The following DACH2 variants were observed in gnomAD, a reference collection of about 807,000 sequenced individuals.
DACH2 encodes the protein dachshund homolog 2.
In DACH2, 17 loss-of-function variants were observed where a neutral mutation model predicts 35.8. That is an observed-to-expected ratio of 0.48 (90% CI 0.33 to 0.71). The LOEUF (loss-of-function observed/expected upper bound fraction) is 0.71, where lower values mean the gene tolerates loss of function less well. Ranked by LOEUF, DACH2 falls within the 30% of genes least tolerant of loss-of-function variation. DACH2 has a pLI of 0.02. For synonymous variants in DACH2, 195 were observed against 177.3 expected, an observed-to-expected ratio of 1.10 and a Z score of -0.79; for missense variants, 469 against 472.7, an observed-to-expected ratio of 0.99 and a Z score of 0.07.
rs1569292909 is a variant in DACH2 at position 86,180,175 on chromosome X, C to CATATATATATATATATATATATAT, written c.488+31067_488+31068insATATATATATATATATATATATAT. On this transcript the variant is annotated intron_variant, in intron 1 of 11. Transcript: ENST00000373125. ...ATGTCCCCTAGCAACCATGCTAAAC[C>CATATATATATATATATATATATAT]GTATATATATATATATATATATATA... Among the ~76,000 whole-genome samples, 22 of 15,588 alleles carry CATATATATATATATATATATATAT rather than the reference C, an allele frequency of 1.4e-3. 1 individual carries two copies. Among genetic ancestry groups the CATATATATATATATATATATATAT allele is most frequent in the African/African-American group, 4.1e-3 (17 of 4,167 alleles). 13.5% of individuals were successfully genotyped at this position (15,588 alleles called of 115,157 possible).
At chrX:86,493,888 C>G (rs2038129363) in intron 2 of DACH2, among the ~76,000 whole-genome samples, 1 of 111,879 alleles carries the variant, frequency 8.9e-6, no homozygotes. Flanking sequence ...TGCTAGAGAC[C>G]TTTTCACTTG....
At chrX:86,190,583 T>C (rs1311614453) in intron 1 of DACH2, among the ~76,000 whole-genome samples, 2 of 112,414 alleles carry the variant, frequency 1.8e-5, no homozygotes. Flanking sequence ...TCAATGTTAC[T>C]TATCATTAGA....
intron 1 of DACH2, among the ~76,000 whole-genome samples, chrX:86,258,349 A>G (rs1004033121): frequency 9.3e-6 from 1 of 107,604 alleles, no homozygotes; most frequent in Non-Finnish European, 1.9e-5. Context: ...ACTCTGGGAC[A>G]CAGTTTTCAT....
At chrX:86,484,894 G>T (rs1223470597) in intron 2 of DACH2, among the ~76,000 whole-genome samples, 1 of 111,810 alleles carries the variant, frequency 8.9e-6, no homozygotes, top group African/African-American at 3.2e-5. Context: ...AACTGCAGAT[G>T]AAATTTCTTA....
intron 1 of DACH2, among the ~76,000 whole-genome samples, chrX:86,279,558 AGGT>A (rs2033984864): frequency 9.0e-6 from 1 of 111,371 alleles, no homozygotes; most frequent in South Asian, 3.8e-4. Flanking sequence ...CACAAAGATG[AGGT>A]ACAAGCAGCA....
intron 6 of DACH2, among the ~76,000 whole-genome samples, chrX:86,715,220 A>C (rs2041322513): frequency 8.9e-6 from 1 of 111,806 alleles, no homozygotes; most frequent in Non-Finnish European, 1.9e-5. Context: ...GGTCATAGTT[A>C]ATAATCTATG....
At chrX:86,638,068 A>G (rs2040299089) in intron 3 of DACH2, among the ~76,000 whole-genome samples, 1 of 111,477 alleles carries the variant, frequency 9.0e-6, no homozygotes, top group African/African-American at 3.3e-5. Flanking sequence ...ACAGACACAG[A>G]GATCAGTGGA....
intron 1 of DACH2, among the ~76,000 whole-genome samples, chrX:86,248,714 C>CA (rs974703282): frequency 1.0e-4 from 11 of 110,499 alleles, no homozygotes; most frequent in African/African-American, 3.3e-4. Context: ...CATATGAAAC[C>CA]AAAAAAGAGC....
chrX:86,677,152 G>A (rs544471288), intron 4 of DACH2, among the ~76,000 whole-genome samples: 3 of 111,694 alleles, frequency 2.7e-5, no homozygotes, highest in Non-Finnish European at 3.8e-5. Flanking sequence ...TAAGTTAGTC[G>A]CTGCCTAAAC....
chrX:86,793,568 T>G (rs906982156), intron 7 of DACH2, among the ~76,000 whole-genome samples: 4 of 111,723 alleles, frequency 3.6e-5, no homozygotes, highest in Non-Finnish European at 5.7e-5. Context: ...GAAGGCAAAG[T>G]GTAATAGCAA....
At chrX:86,681,091 C>A (rs150217450) in intron 4 of DACH2, among the ~76,000 whole-genome samples, 1 of 111,415 alleles carries the variant, frequency 9.0e-6, no homozygotes, top group Non-Finnish European at 1.9e-5. Context: ...TGACTCCTTT[C>A]TATCTTGCTT....
At chrX:86,216,951 C>T (rs2032586066) in intron 1 of DACH2, among the ~76,000 whole-genome samples, 2 of 110,063 alleles carry the variant, frequency 1.8e-5, no homozygotes, top group Admixed American at 1.9e-4. Context: ...ATCAGATAGG[C>T]GTGGTGACAC....
intron 3 of DACH2, among the ~76,000 whole-genome samples, chrX:86,615,621 C>A (rs772188206): frequency 9.0e-6 from 1 of 110,755 alleles, no homozygotes; most frequent in Non-Finnish European, 1.9e-5. Flanking sequence ...AAGTGAGAAC[C>A]CTGAAGATTT....
intron 11 of DACH2, among the ~76,000 whole-genome samples, chrX:86,824,255 T>C (rs147106169): frequency 0.033 from 3,656 of 111,095 alleles, 143 homozygotes; most frequent in African/African-American, 0.11. Context: ...ATTATTAATA[T>C]TCCTTGCTAG....
chrX:86,429,768 G>T (rs1274449645), intron 2 of DACH2, among the ~76,000 whole-genome samples: 1 of 110,870 alleles, frequency 9.0e-6, no homozygotes, highest in Non-Finnish European at 1.9e-5. Context: ...TTGCCATGTT[G>T]GCCAGGCTGT....
rs559491019 is a variant in DACH2, at chrX:86,302,239, G to T, written c.489-74585G>T. On this transcript the variant is annotated intron_variant, in intron 1 of 11. Coordinates refer to ENST00000373125, the MANE Select transcript of DACH2 (RefSeq NM_053281.3). ...TCTCCTTAGTATCTAACTTCCTTCTGCCTTGAAATCTTCCAGTTAATATAA... is the reference window on the plus strand; with the variant it reads ...TCTCCTTAGTATCTAACTTCCTTCTTCCTTGAAATCTTCCAGTTAATATAA... 3.2e-4 allele frequency among the ~76,000 whole-genome samples: 35 copies of T among 110,970 alleles called. No homozygotes were observed. The South Asian group carries it at 0.01, about 33-fold the overall frequency.
chrX:86,363,012 A>G (rs769572003), intron 1 of DACH2, among the ~76,000 whole-genome samples: 1 of 110,815 alleles, frequency 9.0e-6, no homozygotes, highest in South Asian at 3.8e-4. Flanking sequence ...TAGGAAAATA[A>G]TGCCAGAATC....
intron 1 of DACH2, among the ~76,000 whole-genome samples, chrX:86,180,188 A>ATATATATATATATATATG (rs2031438328): frequency 1.2e-5 from 1 of 82,441 alleles, no homozygotes; most frequent in Non-Finnish European, 2.4e-5. Context: ...ATATATATAT[A>ATATATATATATATATATG]TATATATATA....
chrX:86,312,948 A>G (rs1348855913), intron 1 of DACH2, among the ~76,000 whole-genome samples: 2 of 111,837 alleles, frequency 1.8e-5, no homozygotes, highest in South Asian at 3.7e-4. Context: ...TTCAACTGGT[A>G]CAAAGATAAT....
Sources: allele counts gnomAD v4.1 joint callset (sites outside exome capture counted in the v4.1 genomes callset), GRCh38; gene constraint gnomAD v4.1.1; transcripts MANE v1.5; gene names NCBI Gene and HGNC (gene_info 2026-07-23, HGNC 2026-07-21).